Variants in PDZRN4 observed in about 807,000 individuals in gnomAD.
The protein encoded by PDZRN4 is PDZ domain containing ring finger 4.
In PDZRN4, 70 loss-of-function variants were observed where a neutral mutation model predicts 99.0. The ratio of observed to expected loss-of-function variants is 0.71; its 90% CI spans 0.58 to 0.86. The LOEUF (loss-of-function observed/expected upper bound fraction) is 0.86, where lower values mean the gene tolerates loss of function less well. PDZRN4 is among the 40% of genes least tolerant of loss of function. PDZRN4 has a pLI of 0.00. For synonymous variants in PDZRN4, 551 were observed against 501.6 expected (o/e 1.10, Z -1.32); for missense variants, 1,474 against 1,331.2 (o/e 1.11, Z -1.67).
rs191980771 is a variant in PDZRN4 at position 41,421,728 on chromosome 12, T to C, written c.844-84728T>C. Among the ~76,000 whole-genome samples, 8 of 152,302 alleles carry C rather than the reference T, an allele frequency of 5.3e-5. No homozygotes were observed. The East Asian group carries it at 1.5e-3, about 29-fold the overall frequency. ...CATTATTTCTTAAGTATGTAACTTG[T>C]TTCTTCACTATTTCTTCTACTAACA... On this transcript the variant is annotated intron_variant, in intron 3 of 9. Coordinates refer to ENST00000402685, the MANE Select transcript of PDZRN4 (RefSeq NM_001164595.2).
In PDZRN4 at chr12:41,229,972, G is replaced by T. The variant is rs559871384; in HGVS notation, c.843+35784G>T. On this transcript the variant is annotated intron_variant, in intron 3 of 9. Transcript: ENST00000402685. ...TCCCAAGTTTCCACAAGCGGCTTTT[G>T]TCAGAGCTGGTTCATGACCTGATTC... Among the ~76,000 whole-genome samples the T allele has an allele frequency of 6.6e-5, 10 of 152,144 alleles. No individual in the cohort carries two copies. In the East Asian group the frequency reaches 1.9e-3, roughly 29 times the overall value.
chr12:41,558,064 T>C (rs768943064), intron 7 of PDZRN4, among the ~76,000 whole-genome samples: 1 of 152,204 alleles, frequency 6.6e-6, no homozygotes, highest in Non-Finnish European at 1.5e-5. Flanking sequence ...AGGGACCATT[T>C]TCGTGTGTCA....
chr12:41,250,852 C>T (rs1027462500), intron 3 of PDZRN4, among the ~76,000 whole-genome samples: 3 of 152,164 alleles, frequency 2.0e-5, no homozygotes, highest in African/African-American at 7.2e-5. Flanking sequence ...TATTGTTTGT[C>T]AACCCTCCAG....
chr12:41,466,630 A>G (rs1033597100), intron 3 of PDZRN4, among the ~76,000 whole-genome samples: 17 of 152,310 alleles, frequency 1.1e-4, no homozygotes, highest in African/African-American at 3.8e-4. Context: ...GTTTGCATTA[A>G]AAACGTGGAG....
At chr12:41,508,307 C>A (rs544524457) in intron 4 of PDZRN4, among the ~76,000 whole-genome samples, 2 of 152,134 alleles carry the variant, frequency 1.3e-5, no homozygotes, top group African/African-American at 4.8e-5. Flanking sequence ...TTAGAGACAA[C>A]CTCCTCTAGA....
At chr12:41,463,223 A>G (rs997416754) in intron 3 of PDZRN4, among the ~76,000 whole-genome samples, 2 of 152,148 alleles carry the variant, frequency 1.3e-5, no homozygotes, top group African/African-American at 4.8e-5. Flanking sequence ...AACTGGACAA[A>G]CGGCTGATTT....
intron 3 of PDZRN4, among the ~76,000 whole-genome samples, chr12:41,371,253 C>CT (rs1408992645): frequency 1.3e-5 from 2 of 151,238 alleles, no homozygotes; most frequent in Non-Finnish European, 2.9e-5. Flanking sequence ...GTTTGAGATT[C>CT]TATAACTATT....
chr12:41,483,519 T>A (rs1045260837), intron 3 of PDZRN4, among the ~76,000 whole-genome samples: 2 of 152,056 alleles, frequency 1.3e-5, no homozygotes, highest in African/African-American at 4.8e-5. Flanking sequence ...TTCAGAGCAA[T>A]GTGTAGAATT....
chr12:41,232,663 T>G (rs1009813039), intron 3 of PDZRN4, among the ~76,000 whole-genome samples: 2 of 152,092 alleles, frequency 1.3e-5, no homozygotes. Context: ...GTGCAGAAGC[T>G]CTTTAGTTTA....
chr12:41,373,072 G>T (rs1217716484), intron 3 of PDZRN4, among the ~76,000 whole-genome samples: 2 of 152,072 alleles, frequency 1.3e-5, no homozygotes, highest in African/African-American at 4.8e-5. Context: ...AAACCAGCAA[G>T]TTTTTATTAG....
intron 3 of PDZRN4, among the ~76,000 whole-genome samples, chr12:41,330,746 T>C (rs1235860929): frequency 6.6e-6 from 1 of 152,094 alleles, no homozygotes; most frequent in African/African-American, 2.4e-5. Flanking sequence ...TAATTCAGAA[T>C]AAGTTACTTT....
At chr12:41,349,343 T>C (rs1033358007) in intron 3 of PDZRN4, among the ~76,000 whole-genome samples, 2 of 151,866 alleles carry the variant, frequency 1.3e-5, no homozygotes, top group Admixed American at 6.6e-5. Flanking sequence ...TTAAGACATG[T>C]GAATTGAACA....
chr12:41,435,725 T>G (rs571269815), intron 3 of PDZRN4, among the ~76,000 whole-genome samples: 4 of 152,158 alleles, frequency 2.6e-5, no homozygotes, highest in Admixed American at 2.6e-4. Flanking sequence ...GAGGCAGAGG[T>G]TCCACTGAGC....
At chr12:41,512,885 GGTTAGA>G (rs1193699256) in intron 5 of PDZRN4, among the ~76,000 whole-genome samples, 1 of 152,074 alleles carries the variant, frequency 6.6e-6, no homozygotes, top group Non-Finnish European at 1.5e-5. Context: ...AAATATTACA[GGTTAGA>G]GTGAAGCACA....
intron 3 of PDZRN4, among the ~76,000 whole-genome samples, chr12:41,249,760 T>G (rs74373153): frequency 0.033 from 4,966 of 152,242 alleles, 147 homozygotes; most frequent in East Asian, 0.12. Context: ...ACTTTGACAT[T>G]TTCTGTTGAC....
At chr12:41,409,241 G>A (rs972201726) in intron 3 of PDZRN4, among the ~76,000 whole-genome samples, 3 of 151,730 alleles carry the variant, frequency 2.0e-5, no homozygotes, top group African/African-American at 7.3e-5. Context: ...ATTTTTTAAG[G>A]GTTAACATCT....
intron 3 of PDZRN4, among the ~76,000 whole-genome samples, chr12:41,241,020 C>T (rs567302284): frequency 1.3e-5 from 2 of 152,016 alleles, no homozygotes; most frequent in South Asian, 4.2e-4. Flanking sequence ...ATCTATTTTG[C>T]TCCTCCCCCC....
At chr12:41,222,772 G>A (rs375789215) in intron 3 of PDZRN4, among the ~76,000 whole-genome samples, 4 of 151,994 alleles carry the variant, frequency 2.6e-5, no homozygotes, top group African/African-American at 4.8e-5. Flanking sequence ...TGATCCACCC[G>A]CCTCAGCCTC....
chr12:41,362,763 G>A (rs1056206090), intron 3 of PDZRN4, among the ~76,000 whole-genome samples: 10 of 152,064 alleles, frequency 6.6e-5, no homozygotes, highest in Admixed American at 6.6e-4. Flanking sequence ...GTAGTTAGGA[G>A]GAATTGTGTG....
Sources: allele counts gnomAD v4.1 joint callset (sites outside exome capture counted in the v4.1 genomes callset), GRCh38; gene constraint gnomAD v4.1.1; transcripts MANE v1.5; gene names NCBI Gene and HGNC (gene_info 2026-07-23, HGNC 2026-07-21).